The following SNTB1 variants were observed in gnomAD, a reference collection of about 807,000 sequenced individuals.
SNTB1 encodes the protein syntrophin beta 1, also known as beta-1-syntrophin.
SNTB1 carries 36 observed loss-of-function variants against 48.9 expected under a neutral mutation model. The observed-to-expected ratio is 0.74, with a 90% CI of 0.56 to 0.97. SNTB1 has a LOEUF of 0.97. Ranked by LOEUF, SNTB1 falls within the 50% of genes least tolerant of loss-of-function variation. The probability of loss-of-function intolerance (pLI) is 0.00; values close to 1 mark genes in which losing one functional copy is unlikely to be tolerated. For missense variants in SNTB1, 786 were observed against 703.4 expected, an observed-to-expected ratio of 1.12 and a Z score of -1.33; for synonymous variants, 299 against 294.6, an observed-to-expected ratio of 1.01 and a Z score of -0.15.
chr8:120,681,898 AAAC>A (rs1817937404), intron 2 of SNTB1, among the ~76,000 whole-genome samples: 4 of 152,204 alleles, frequency 2.6e-5, no homozygotes, highest in Admixed American at 2.0e-4. Context: ...ACAAACAAAC[AAAC>A]AAACAAACAG....
At chr8:120,619,640 T>C (rs1282278750) in intron 3 of SNTB1, among the ~76,000 whole-genome samples, 1 of 152,310 alleles carries the variant, frequency 6.6e-6, no homozygotes, top group East Asian at 1.9e-4. Flanking sequence ...CTTTATTAAG[T>C]TCAGTTTTTA....
At chr8:120,799,760 T>C (rs979301889) in intron 1 of SNTB1, among the ~76,000 whole-genome samples, 18 of 152,066 alleles carry the variant, frequency 1.2e-4, no homozygotes, top group African/African-American at 3.9e-4. Context: ...CTTAGTGACT[T>C]AGTGATTTTT....
chr8:120,590,101 T>C (rs1249099771), intron 3 of SNTB1, among the ~76,000 whole-genome samples: 1 of 152,216 alleles, frequency 6.6e-6, no homozygotes, highest in East Asian at 1.9e-4. Context: ...AGGCTCATCC[T>C]ACACTGCAAA....
At chr8:120,592,356 C>CT (rs1258602943) in intron 3 of SNTB1, among the ~76,000 whole-genome samples, 1 of 150,854 alleles carries the variant, frequency 6.6e-6, no homozygotes, top group Non-Finnish European at 1.5e-5. Flanking sequence ...ATTTTTTTTT[C>CT]TTTTTTTTCT....
chr8:120,602,502 C>T (rs1262478062), intron 3 of SNTB1, among the ~76,000 whole-genome samples: 1 of 152,196 alleles, frequency 6.6e-6, no homozygotes, highest in East Asian at 1.9e-4. Context: ...GGAATTCTGC[C>T]TCTACACTGT....
intron 1 of SNTB1, among the ~76,000 whole-genome samples, chr8:120,719,664 A>G (rs527523718): frequency 1.3e-5 from 2 of 152,272 alleles, no homozygotes; most frequent in Non-Finnish European, 1.5e-5. Flanking sequence ...CTTCCCCCAA[A>G]AGCAGAACCC....
intron 3 of SNTB1, among the ~76,000 whole-genome samples, chr8:120,615,668 A>G (rs1478257752): frequency 6.6e-6 from 1 of 152,220 alleles, no homozygotes; most frequent in East Asian, 1.9e-4. Flanking sequence ...AGCAGCCTCA[A>G]GGTCAGAGCT....
At chr8:120,740,802 A>T (rs553442117) in intron 1 of SNTB1, among the ~76,000 whole-genome samples, 21 of 152,014 alleles carry the variant, frequency 1.4e-4, no homozygotes, top group African/African-American at 5.1e-4. Flanking sequence ...TTTGCAGCAC[A>T]TAAAATTGAA....
chr8:120,562,390 C>T (rs952980453), intron 4 of SNTB1, among the ~76,000 whole-genome samples: 22 of 152,124 alleles, frequency 1.4e-4, no homozygotes, highest in African/African-American at 5.1e-4. Flanking sequence ...AGTCCATGGA[C>T]CTCCTCACTC....
At chr8:120,559,857 C>G (rs1049588232) in intron 4 of SNTB1, among the ~76,000 whole-genome samples, 13 of 151,864 alleles carry the variant, frequency 8.6e-5, no homozygotes, top group African/African-American at 2.9e-4. Context: ...AACTGGGTTG[C>G]TAAGCAATAT....
chr8:120,543,838 T>G (rs1373293786), intron 5 of SNTB1, among the ~76,000 whole-genome samples: 1 of 152,190 alleles, frequency 6.6e-6, no homozygotes, highest in Non-Finnish European at 1.5e-5. Flanking sequence ...AACAGGTCTA[T>G]AACTCCTTCT....
Position 120,806,749 on chromosome 8 carries a change from G to A in SNTB1, c.571+4524C>T, listed in dbSNP as rs904173631. ...GAAATTTCTTGTAAAAGTGAAACTA[G>A]TAGAAGATAAAAACCTAGGTTTCAA... is the stretch of plus-strand genomic sequence containing the variant. On this transcript the variant is annotated intron_variant, in intron 1 of 6. Transcript: ENST00000517992. 3.3e-5 allele frequency among the ~76,000 whole-genome samples: 5 copies of A among 152,270 alleles called. No individual in the cohort carries two copies. The East Asian group carries it at 7.7e-4, about 23-fold the overall frequency.
intron 1 of SNTB1, among the ~76,000 whole-genome samples, chr8:120,730,332 G>T (rs1818830677): frequency 6.6e-6 from 1 of 151,850 alleles, no homozygotes; most frequent in South Asian, 2.1e-4. Flanking sequence ...GCTAATTTTT[G>T]CATTTTTAGT....
intron 4 of SNTB1, among the ~76,000 whole-genome samples, chr8:120,552,991 G>T (rs1420168172): frequency 6.6e-6 from 1 of 152,082 alleles, no homozygotes; most frequent in Admixed American, 6.6e-5. Context: ...CGCTGCAGCT[G>T]ATCTGACAGG....
chr8:120,749,498 C>T (rs1819177535), intron 1 of SNTB1, among the ~76,000 whole-genome samples: 1 of 152,110 alleles, frequency 6.6e-6, no homozygotes, highest in Non-Finnish European at 1.5e-5. Flanking sequence ...TAAACCACTA[C>T]AGCCTCTCTA....
intron 3 of SNTB1, among the ~76,000 whole-genome samples, chr8:120,579,075 G>A (rs1371598037): frequency 1.3e-5 from 2 of 152,132 alleles, no homozygotes; most frequent in African/African-American, 2.4e-5. Flanking sequence ...TACTCAGGAA[G>A]CTGAGCCAGG....
intron 1 of SNTB1, among the ~76,000 whole-genome samples, chr8:120,741,719 T>C (rs1819043594): frequency 6.6e-6 from 1 of 152,250 alleles, no homozygotes; most frequent in Non-Finnish European, 1.5e-5. Context: ...TCCACTTTCA[T>C]TTTTCTATAT....
chr8:120,663,897 A>G (rs1817632668), intron 2 of SNTB1, among the ~76,000 whole-genome samples: 1 of 152,228 alleles, frequency 6.6e-6, no homozygotes, highest in African/African-American at 2.4e-5. Context: ...AGGGCATTCT[A>G]TTATGACAGT....
At chr8:120,699,142 G>A (rs117609705) in intron 1 of SNTB1, among the ~76,000 whole-genome samples, 1,815 of 152,276 alleles carry the variant, frequency 0.012, 8 homozygotes, top group Middle Eastern at 0.061. Context: ...TGGCTGCTGA[G>A]TTCCAGCCAT....
Sources: gnomAD v4.1 joint callset for allele counts (sites outside exome capture counted in the v4.1 genomes callset) on GRCh38, gnomAD v4.1.1 for gene constraint, MANE v1.5 for transcripts, NCBI Gene and HGNC (gene_info 2026-07-23, HGNC 2026-07-21) for gene names.